Variants in FARP1 observed in about 807,000 individuals in gnomAD.
The protein encoded by FARP1 is FERM, ARH/RhoGEF and pleckstrin domain protein 1.
In FARP1, 52 loss-of-function variants were observed where a neutral mutation model predicts 128.8. The ratio of observed to expected loss-of-function variants is 0.40; its 90% confidence interval spans 0.32 to 0.51. The LOEUF (loss-of-function observed/expected upper bound fraction) is 0.51. FARP1 is among the 20% of genes least tolerant of loss of function. The pLI is 0.45. For missense variants in FARP1, 1,333 were observed against 1,367.9 expected (o/e 0.97, Z 0.40); for synonymous variants, 580 against 551.8 (o/e 1.05, Z -0.72).
At chr13:98,156,649 C>G (rs866789780) in intron 1 of FARP1, among the ~76,000 whole-genome samples, 3 of 152,126 alleles carry the variant, frequency 2.0e-5, no homozygotes, top group Non-Finnish European at 4.4e-5. Context: ...ATCAAGCGAT[C>G]CTCCTGCCTC....
intron 1 of FARP1, among the ~76,000 whole-genome samples, chr13:98,152,045 G>A (rs1314143585): frequency 6.6e-6 from 1 of 152,176 alleles, no homozygotes; most frequent in South Asian, 2.1e-4. Context: ...ACATGTATCT[G>A]CAAGTGGCAG....
At chr13:98,381,787 T>G (rs563526364) in intron 6 of FARP1, 6 of 152,312 alleles carry the variant, frequency 3.9e-5, no homozygotes, top group African/African-American at 1.4e-4. Context: ...TTAATTACTT[T>G]GCTGAGTAGA....
At chr13:98,437,113 C>G (rs182251553) in intron 19 of FARP1, among the ~76,000 whole-genome samples, 21 of 152,256 alleles carry the variant, frequency 1.4e-4, no homozygotes, top group African/African-American at 4.8e-4. Flanking sequence ...TATTAATTAT[C>G]TTCGTTTTCC....
intron 8 of FARP1, among the ~76,000 whole-genome samples, chr13:98,387,002 G>A (rs1184536861): frequency 6.6e-6 from 1 of 152,042 alleles, no homozygotes; most frequent in Non-Finnish European, 1.5e-5. Context: ...TCTGAGTATC[G>A]GATAAGAGAA....
chr13:98,356,265 T>C (rs1317846135), intron 3 of FARP1, among the ~76,000 whole-genome samples: 1 of 152,228 alleles, frequency 6.6e-6, no homozygotes, highest in Non-Finnish European at 1.5e-5. Context: ...TTTTAGGCAA[T>C]TTCATTGTGC....
Position 98,453,579 on chromosome 13 carries a change from G to A in FARP1, c.*5262G>A, listed in dbSNP as rs1014329131. 1.1e-5 allele frequency: 2 copies of A among 177,902 alleles called. No individual in the cohort carries two copies. The highest frequency in any genetic ancestry group is 2.4e-5 in the African/African-American group (1 of 42,036). 11.0% of individuals were successfully genotyped at this position (177,902 alleles called of 1,614,324 possible). On this transcript the variant is annotated 3_prime_UTR_variant, in exon 27 of 27. Transcript: ENST00000319562. The stretch of plus-strand genomic sequence containing the variant: ...GGATGCATATGCATTCCCGATGTGA[G>A]GGCAGGAAACCCATTTTGGCCATAA...
At chr13:98,317,829 G>C (rs1161892913) in intron 2 of FARP1, among the ~76,000 whole-genome samples, 2 of 152,112 alleles carry the variant, frequency 1.3e-5, no homozygotes, top group African/African-American at 4.8e-5. Context: ...TCCTTGTAGT[G>C]TCCTTTCATG....
At chr13:98,412,602 A>G (rs1891233622) in intron 16 of FARP1, among the ~76,000 whole-genome samples, 1 of 152,258 alleles carries the variant, frequency 6.6e-6, no homozygotes, top group Non-Finnish European at 1.5e-5. Flanking sequence ...AATAATAGAA[A>G]TGACCTAAGT....
At chr13:98,356,162 G>A (rs550025761) in intron 3 of FARP1, among the ~76,000 whole-genome samples, 39 of 152,122 alleles carry the variant, frequency 2.6e-4, no homozygotes, top group Non-Finnish European at 5.4e-4. Context: ...CTAATATTGA[G>A]AAATAAATAT....
rs188781428 is a variant in FARP1 at position 98,173,456 on chromosome 13, A to G, written c.-24+29964A>G. Among the ~76,000 whole-genome samples the G allele has an allele frequency of 2.0e-5, 3 of 152,282 alleles. No individual in the cohort carries two copies. The East Asian group carries it at 5.8e-4, about 29-fold the overall frequency. ...CCTCTCCTGGAGTCTTTGGAATCCT[A>G]GGGGTTTGTGACCTTGGAATGCAGG... On this transcript the variant is annotated intron_variant, in intron 1 of 26. Coordinates refer to ENST00000319562, the MANE Select transcript of FARP1 (RefSeq NM_005766.4).
rs1394636770 is a variant in FARP1, at chr13:98,449,314, T to C, written c.*997T>C. ...TCTCTAGTAGTATATATCGTGCCTG[T>C]CTTCAAAAACATTTCCCTTTTTATA... On this transcript the variant is annotated 3_prime_UTR_variant, in exon 27 of 27. Coordinates refer to ENST00000319562, the MANE Select transcript of FARP1 (RefSeq NM_005766.4). 6.6e-6 allele frequency: 1 copy of C among 152,174 alleles called. No homozygotes were observed. Among genetic ancestry groups the C allele is most frequent in the Admixed American group, 6.5e-5 (1 of 15,276 alleles). 9.4% of individuals were successfully genotyped at this position (152,174 alleles called of 1,614,324 possible).
At chr13:98,367,825 C>T (rs112917985) in intron 4 of FARP1, among the ~76,000 whole-genome samples, 4 of 152,088 alleles carry the variant, frequency 2.6e-5, no homozygotes, top group African/African-American at 9.7e-5. Flanking sequence ...AGACAAATGA[C>T]TTTATTTTAA....
At chr13:98,213,937 C>T (rs555758065) in intron 2 of FARP1, among the ~76,000 whole-genome samples, 38 of 152,236 alleles carry the variant, frequency 2.5e-4, no homozygotes, top group African/African-American at 8.9e-4. Context: ...TGCATGCAAC[C>T]CCACAGGGCA....
At chr13:98,437,616 C>A (rs1181961745) in intron 19 of FARP1, 2 of 566,064 alleles carry the variant, frequency 3.5e-6, no homozygotes, top group Middle Eastern at 4.6e-4. Flanking sequence ...AACTCACTTG[C>A]GTTTTTCTAT....
chr13:98,230,528 A>G (rs1440802161), intron 2 of FARP1, among the ~76,000 whole-genome samples: 1 of 152,182 alleles, frequency 6.6e-6, no homozygotes, highest in Non-Finnish European at 1.5e-5. Context: ...GGTTAATGTC[A>G]GCAGAGAAGT....
rs892506528 is a variant in FARP1, at chr13:98,293,518, C to T, written c.172-50244C>T. Among the ~76,000 whole-genome samples the T allele has an allele frequency of 1.3e-5, 2 of 152,156 alleles. 1 individual carries two copies. The highest frequency in any genetic ancestry group is 4.1e-4 in the South Asian group (2 of 4,826). ...ACATGCTGTGGTTGACACCAGAATCCATGGAGAAACCTCTGGGTGTCCTGC... is the reference window on the plus strand; with the variant it reads ...ACATGCTGTGGTTGACACCAGAATCTATGGAGAAACCTCTGGGTGTCCTGC... On this transcript the variant is annotated intron_variant, in intron 2 of 26. Transcript: ENST00000319562.
chr13:98,208,373 G>A (rs1253160983), intron 1 of FARP1, among the ~76,000 whole-genome samples: 2 of 151,632 alleles, frequency 1.3e-5, no homozygotes, highest in Non-Finnish European at 2.9e-5. Flanking sequence ...AGCTACTGGG[G>A]AGGTTGAGGC....
chr13:98,321,891 G>A (rs1887006934), intron 2 of FARP1, among the ~76,000 whole-genome samples: 1 of 152,206 alleles, frequency 6.6e-6, no homozygotes, highest in Non-Finnish European at 1.5e-5. Context: ...TCTTAGATCT[G>A]CCACGTAATA....
intron 2 of FARP1, among the ~76,000 whole-genome samples, chr13:98,240,871 C>T (rs1388158101): frequency 3.3e-5 from 5 of 152,168 alleles, no homozygotes; most frequent in African/African-American, 4.8e-5. Context: ...TAGTAGAACC[C>T]GGAAACCTGG....
Sources: gnomAD v4.1 joint callset for allele counts (sites outside exome capture counted in the v4.1 genomes callset) on GRCh38, gnomAD v4.1.1 for gene constraint, MANE v1.5 for transcripts, NCBI Gene and HGNC (gene_info 2026-07-23, HGNC 2026-07-21) for gene names.